OR51B5: variants seen among roughly 807,000 people sequenced by gnomAD.
OR51B5 encodes olfactory receptor 51B5.
For missense variants in OR51B5, 456 were observed against 374.6 expected (o/e 1.22, Z -1.79); for synonymous variants, 186 against 144.8 (o/e 1.28, Z -2.04).
chr11:5,425,231 G>C (rs1276300680), intron 1 of OR51B5, among the ~76,000 whole-genome samples: 3 of 152,216 alleles, frequency 2.0e-5, no homozygotes, highest in African/African-American at 7.2e-5. Flanking sequence ...TGGGTCAAAA[G>C]AAAATTTTTG....
At chr11:5,381,000 G>A (rs955043698) in intron 1 of OR51B5, among the ~76,000 whole-genome samples, 2 of 152,084 alleles carry the variant, frequency 1.3e-5, no homozygotes, top group African/African-American at 2.4e-5. Context: ...TCTCCTGAAG[G>A]AATCTCCTAC....
At chr11:5,421,332 G>A (rs7131285) in intron 1 of OR51B5, among the ~76,000 whole-genome samples, 1,595 of 152,342 alleles carry the variant, frequency 0.01, 28 homozygotes, top group African/African-American at 0.036. Context: ...AGATGGTGAC[G>A]AGGGTACCTC....
intron 1 of OR51B5, chr11:5,355,568 T>C (rs2736560): frequency 0.38 from 57,870 of 152,212 alleles, 11,243 homozygotes; most frequent in Non-Finnish European, 0.41. Flanking sequence ...CCTGAGTCAC[T>C]CTTGCAGTCC....
At chr11:5,441,082 C>T (rs1482659268) in intron 1 of OR51B5, 1 of 1,613,974 alleles carries the variant, frequency 6.2e-7, no homozygotes, top group South Asian at 1.1e-5. Context: ...AGACCCATAG[C>T]CAATATACGG....
chr11:5,417,325 T>C (rs983679071), intron 1 of OR51B5, among the ~76,000 whole-genome samples: 1 of 151,378 alleles, frequency 6.6e-6, no homozygotes, highest in African/African-American at 2.4e-5. Context: ...ATAAAAACCC[T>C]AGAAGAAAAC....
exon 1 of OR51B5, chr11:5,342,605 G>A (rs746983248): frequency 6.3e-7 from 1 of 1,592,224 alleles, no homozygotes; most frequent in South Asian, 1.2e-5. Flanking sequence ...AATTCTATGG[G>A]TAGTAAAAAG....
At chr11:5,500,965 T>C (rs1846283522) in intron 1 of OR51B5, among the ~76,000 whole-genome samples, 1 of 148,408 alleles carries the variant, frequency 6.7e-6, no homozygotes, top group Non-Finnish European at 1.5e-5. Context: ...TTGCCTGTGA[T>C]AGAAATGACC....
At chr11:5,476,498 A>G (rs966760020) in intron 1 of OR51B5, among the ~76,000 whole-genome samples, 3 of 152,230 alleles carry the variant, frequency 2.0e-5, no homozygotes, top group Non-Finnish European at 4.4e-5. Flanking sequence ...TAGGTGCCCA[A>G]AAAATAGTCA....
chr11:5,455,748 CAA>C (rs914082670), intron 1 of OR51B5: 15 of 151,892 alleles, frequency 9.9e-5, no homozygotes, highest in African/African-American at 2.2e-4. Context: ...GAAATACCAA[CAA>C]GAGAGAGAGT....
chr11:5,401,745 C>T (rs1268704006), intron 1 of OR51B5, among the ~76,000 whole-genome samples: 1 of 152,068 alleles, frequency 6.6e-6, no homozygotes, highest in Non-Finnish European at 1.5e-5. Context: ...TCCACACCAA[C>T]TCAAGGCAGT....
chr11:5,398,543 T>A (rs777735740), intron 1 of OR51B5, among the ~76,000 whole-genome samples: 4 of 152,196 alleles, frequency 2.6e-5, no homozygotes, highest in Non-Finnish European at 5.9e-5. Context: ...CCAGTTTCAC[T>A]TGTGGTGAGT....
At chr11:5,465,127 A>C (rs1590012384) in intron 1 of OR51B5, among the ~76,000 whole-genome samples, 1 of 135,468 alleles carries the variant, frequency 7.4e-6, no homozygotes, top group Non-Finnish European at 1.6e-5. Context: ...AATGGCGTGA[A>C]CCCGGGAGGC....
chr11:5,498,009 T>C (rs1851673983), intron 1 of OR51B5, among the ~76,000 whole-genome samples: 1 of 152,204 alleles, frequency 6.6e-6, no homozygotes, highest in Admixed American at 6.5e-5. Context: ...TACAAACTCT[T>C]AGCATGTGGT....
intron 1 of OR51B5, among the ~76,000 whole-genome samples, chr11:5,435,282 T>A (rs112915152): frequency 3.3e-5 from 5 of 152,194 alleles, no homozygotes; most frequent in Admixed American, 2.0e-4. Flanking sequence ...CTTTCTCACA[T>A]TGGTCTTAAA....
chr11:5,380,237 C>T (rs1003691863), intron 1 of OR51B5, among the ~76,000 whole-genome samples: 2 of 152,172 alleles, frequency 1.3e-5, no homozygotes, highest in East Asian at 1.9e-4. Context: ...GGAGACTTCT[C>T]TGTAAACCTT....
chr11:5,381,444 T>A (rs561872639), intron 1 of OR51B5, among the ~76,000 whole-genome samples: 1 of 152,316 alleles, frequency 6.6e-6, no homozygotes, highest in Non-Finnish European at 1.5e-5. Context: ...TGCTCCTTCA[T>A]TGTCCCCATC....
chr11:5,341,509 T>C (rs900875436), downstream of OR51B5: 7 of 152,230 alleles, frequency 4.6e-5, no homozygotes, highest in East Asian at 1.3e-3. Context: ...ATTTTTGCTC[T>C]GATTAAAGTA....
intron 1 of OR51B5, among the ~76,000 whole-genome samples, chr11:5,445,450 T>C (rs773895514): frequency 2.0e-5 from 3 of 152,100 alleles, no homozygotes; most frequent in Non-Finnish European, 4.4e-5. Context: ...CATTACTATA[T>C]GGAACCTAAA....
chr11:5,427,493 C>T (rs1850467943), intron 1 of OR51B5, among the ~76,000 whole-genome samples: 1 of 152,166 alleles, frequency 6.6e-6, no homozygotes, highest in Admixed American at 6.5e-5. Context: ...TCAGTTTAGC[C>T]TAATATAGAT....
Sources: allele counts gnomAD v4.1 joint callset (sites outside exome capture counted in the v4.1 genomes callset), GRCh38; gene constraint gnomAD v4.1.1; transcripts MANE v1.5; gene names NCBI Gene and HGNC (gene_info 2026-07-23, HGNC 2026-07-21).